PAPSS1: variants seen among roughly 807,000 people sequenced by gnomAD.
The protein encoded by PAPSS1 is bifunctional 3'-phosphoadenosine 5'-phosphosulfate synthase 1.
In PAPSS1, 50 loss-of-function variants were observed where a neutral mutation model predicts 72.0. The ratio of observed to expected loss-of-function variants is 0.69; its 90% confidence interval spans 0.55 to 0.88. The LOEUF is 0.88. Among genes scored for constraint, PAPSS1 ranks in the 40% least tolerant of loss-of-function variants. The probability of loss-of-function intolerance (pLI) is 0.00; values close to 1 mark genes in which losing one functional copy is unlikely to be tolerated. For synonymous variants in PAPSS1, 261 were observed against 263.6 expected (o/e 0.99, Z 0.09); for missense variants, 657 against 782.2 (o/e 0.84, Z 1.91).
chr4:107,686,946 CT>C, intron 4 of PAPSS1, 92 bp downstream of exon 4: 1 of 27,438 alleles, frequency 3.6e-5, no homozygotes, highest in South Asian at 2.9e-3. Context: ...CCAAGTCACT[CT>C]AACACTTCCA....
intron 8 of PAPSS1, 76 bp from the exon 9 acceptor site, chr4:107,653,702 A>G (rs1329391641): frequency 5.6e-6 from 7 of 1,247,554 alleles, no homozygotes; most frequent in Middle Eastern, 1.9e-4. Flanking sequence ...TATAAGCTAA[A>G]TACAGTCGTT....
intron 1 of PAPSS1, among the ~76,000 whole-genome samples, chr4:107,713,387 T>C (rs532695499): frequency 6.6e-6 from 1 of 152,210 alleles, no homozygotes; most frequent in South Asian, 2.1e-4. Context: ...TGGGGACATG[T>C]AAATGTTCTA....
chr4:107,644,776 C>A (rs1726647851), intron 10 of PAPSS1, 26 bp downstream of exon 10: 1 of 1,582,950 alleles, frequency 6.3e-7, no homozygotes, highest in South Asian at 1.2e-5. Context: ...AACACTGCTG[C>A]AGTGAAAATC....
chr4:107,672,681 G>A (rs1727519339), intron 5 of PAPSS1, among the ~76,000 whole-genome samples: 2 of 152,218 alleles, frequency 1.3e-5, no homozygotes, highest in African/African-American at 4.8e-5. Context: ...AACCTCTGCA[G>A]ACTTAAACGT....
chr4:107,672,911 G>A (rs148307442), intron 5 of PAPSS1, among the ~76,000 whole-genome samples: 2,231 of 152,236 alleles, frequency 0.015, 26 homozygotes, highest in Non-Finnish European at 0.025. Context: ...ACCAATATCC[G>A]CTGTTCTGCA....
intron 11 of PAPSS1, among the ~76,000 whole-genome samples, chr4:107,630,085 C>A (rs1474013268): frequency 2.0e-5 from 3 of 152,206 alleles, no homozygotes; most frequent in Non-Finnish European, 2.9e-5. Flanking sequence ...TGGTTAAATT[C>A]CCAGGACCCT....
At chr4:107,670,183 T>A (rs1226672817) in intron 5 of PAPSS1, among the ~76,000 whole-genome samples, 1 of 152,218 alleles carries the variant, frequency 6.6e-6, no homozygotes, top group African/African-American at 2.4e-5. Flanking sequence ...ATGTCCCTTA[T>A]AATAAGGACT....
chr4:107,701,625 G>A (rs532970124), intron 1 of PAPSS1, among the ~76,000 whole-genome samples: 6 of 152,230 alleles, frequency 3.9e-5, no homozygotes, highest in South Asian at 2.1e-4. Context: ...TCATTTATTC[G>A]TTCATCCATT....
At chr4:107,692,173 A>T (rs540195199) in intron 3 of PAPSS1, among the ~76,000 whole-genome samples, 1 of 152,370 alleles carries the variant, frequency 6.6e-6, no homozygotes, top group South Asian at 2.1e-4. Flanking sequence ...TAATTGCAAT[A>T]AAAGCAAAAC....
intron 1 of PAPSS1, among the ~76,000 whole-genome samples, chr4:107,704,226 C>CTAACAG (rs1452731377): frequency 2.6e-5 from 4 of 152,162 alleles, no homozygotes; most frequent in African/African-American, 9.7e-5. Context: ...TTTATTTATT[C>CTAACAG]TAACAGTCTT....
At chr4:107,617,889 T>C (rs557566924) in intron 11 of PAPSS1, among the ~76,000 whole-genome samples, 2 of 152,298 alleles carry the variant, frequency 1.3e-5, no homozygotes, top group South Asian at 4.1e-4. Context: ...CTGGTTACTA[T>C]AGTTCAAAAT....
At chr4:107,623,853 T>C (rs559920278) in intron 11 of PAPSS1, among the ~76,000 whole-genome samples, 30 of 152,358 alleles carry the variant, frequency 2.0e-4, no homozygotes, top group African/African-American at 7.2e-4. Flanking sequence ...CTTACTGGTT[T>C]TGGCCTCACA....
intron 1 of PAPSS1, among the ~76,000 whole-genome samples, chr4:107,714,646 A>T (rs977036602): frequency 2.6e-5 from 4 of 152,142 alleles, no homozygotes; most frequent in Non-Finnish European, 5.9e-5. Context: ...TTTTTTTAGA[A>T]ATTTAGGTTT....
intron 11 of PAPSS1, among the ~76,000 whole-genome samples, chr4:107,624,313 C>A (rs1239276050): frequency 6.6e-6 from 1 of 152,220 alleles, no homozygotes; most frequent in Non-Finnish European, 1.5e-5. Context: ...GTGCTAACTG[C>A]GTTTCCCACA....
At chr4:107,679,302 A>G (rs577430647) in intron 5 of PAPSS1, among the ~76,000 whole-genome samples, 47 of 152,262 alleles carry the variant, frequency 3.1e-4, no homozygotes, top group African/African-American at 9.6e-4. Flanking sequence ...AACACTGAGG[A>G]TGAAGCAGGA....
chr4:107,682,780 TC>T (rs1722665056), intron 4 of PAPSS1, among the ~76,000 whole-genome samples: 2 of 152,182 alleles, frequency 1.3e-5, no homozygotes, highest in African/African-American at 4.8e-5. Flanking sequence ...AGTCAATCTG[TC>T]CAGTACATTC....
chr4:107,701,054 G>A, intron 2 of PAPSS1, 117 bp downstream of exon 2: 1 of 507,002 alleles, frequency 2.0e-6, no homozygotes, highest in East Asian at 3.2e-5. Flanking sequence ...TCAGTTATAT[G>A]TCGTGATGCT....
rs529894168 is a variant in PAPSS1, at chr4:107,658,877, G to T, written c.783+1082C>A. Among the ~76,000 whole-genome samples the T allele has an allele frequency of 2.8e-4, 42 of 152,314 alleles. 1 individual carries two copies. The highest frequency in any genetic ancestry group is 2.5e-3 in the Admixed American group (38 of 15,292). ...TACTTAGAAATAGGCATGTGAGGAG[G>T]TGCAAAGAATAGCAGTGTGCCTTCC... On this transcript the variant is annotated intron_variant, in intron 6 of 11. Transcript: ENST00000265174.
chr4:107,638,320 T>C (rs1726441423), intron 10 of PAPSS1, among the ~76,000 whole-genome samples: 1 of 152,198 alleles, frequency 6.6e-6, no homozygotes, highest in African/African-American at 2.4e-5. Context: ...GCAGTCTACA[T>C]CATGGAGTCT....
Sources: allele counts gnomAD v4.1 joint callset (sites outside exome capture counted in the v4.1 genomes callset), GRCh38; gene constraint gnomAD v4.1.1; transcripts MANE v1.5; gene names NCBI Gene and HGNC (gene_info 2026-07-23, HGNC 2026-07-21).